The following ZNF804B variants were observed in gnomAD, a reference collection of about 807,000 sequenced individuals.
ZNF804B encodes zinc finger 804B.
Under a neutral mutation model 101.4 loss-of-function variants are expected in ZNF804B, and 80 were observed. That is an observed-to-expected ratio of 0.79 (90% confidence interval 0.66 to 0.95). The LOEUF is 0.95. Among genes scored for constraint, ZNF804B ranks in the 40% least tolerant of loss-of-function variants. The probability of loss-of-function intolerance (pLI) is 0.00; values close to 1 mark genes in which losing one functional copy is unlikely to be tolerated. For synonymous variants in ZNF804B, 622 were observed against 558.8 expected (o/e 1.11, Z -1.59); for missense variants, 1,673 against 1,561.9 (o/e 1.07, Z -1.20).
chr7:89,030,897 T>G (rs932527431), intron 1 of ZNF804B, among the ~76,000 whole-genome samples: 6 of 152,106 alleles, frequency 3.9e-5, no homozygotes, highest in Non-Finnish European at 8.8e-5. Flanking sequence ...TTATTCAGTT[T>G]CTTGGTGATG....
intron 1 of ZNF804B, among the ~76,000 whole-genome samples, chr7:88,953,539 A>C (rs1175386567): frequency 6.6e-6 from 1 of 151,740 alleles, no homozygotes; most frequent in African/African-American, 2.4e-5. Context: ...TGATATTAGA[A>C]TTGAGGTTGT....
chr7:89,326,578 G>A (rs1488351318), intron 2 of ZNF804B, among the ~76,000 whole-genome samples: 2 of 152,100 alleles, frequency 1.3e-5, no homozygotes, highest in Admixed American at 6.6e-5. Flanking sequence ...TCAGGATTAA[G>A]CCCCAAACTT....
At chr7:89,161,857 C>T (rs1241063163) in intron 1 of ZNF804B, among the ~76,000 whole-genome samples, 3 of 151,926 alleles carry the variant, frequency 2.0e-5, no homozygotes, top group Admixed American at 2.0e-4. Flanking sequence ...CTAGAAAATG[C>T]AATATCATAG....
chr7:89,014,944 T>C lies in ZNF804B; in HGVS notation c.109-203211T>C, dbSNP rs138861134. ...TTTCCCAGACCGATGTTCTGAAGCA[T>C]TTCCCCTATGTTTTCCCCTAGTAGT... On this transcript the variant is annotated intron_variant, in intron 1 of 3. Transcript: ENST00000333190. Among the ~76,000 whole-genome samples, 1,187 of 152,322 alleles carry C rather than the reference T, an allele frequency of 7.8e-3. 20 individuals are homozygous for C. Among genetic ancestry groups the C allele is most frequent in the African/African-American group, 0.027 (1,131 of 41,576 alleles).
intron 2 of ZNF804B, among the ~76,000 whole-genome samples, chr7:89,295,052 G>A (rs998924851): frequency 6.6e-6 from 1 of 152,058 alleles, no homozygotes; most frequent in Non-Finnish European, 1.5e-5. Context: ...TTTTGTATTT[G>A]AGAATTCCTG....
intron 1 of ZNF804B, among the ~76,000 whole-genome samples, chr7:89,099,917 G>C (rs1231771635): frequency 6.6e-6 from 1 of 152,146 alleles, no homozygotes; most frequent in Non-Finnish European, 1.5e-5. Context: ...TACCATCCTT[G>C]ATCTTGGAGA....
chr7:89,062,495 GTTATTT>G (rs752861526), intron 1 of ZNF804B, among the ~76,000 whole-genome samples: 1 of 151,960 alleles, frequency 6.6e-6, no homozygotes, highest in Non-Finnish European at 1.5e-5. Context: ...ATATTATTTT[GTTATTT>G]TTATTTATAT....
chr7:89,120,693 A>C (rs988904687), intron 1 of ZNF804B, among the ~76,000 whole-genome samples: 1 of 151,778 alleles, frequency 6.6e-6, no homozygotes, highest in Non-Finnish European at 1.5e-5. Context: ...CCAAAAATCT[A>C]CTTTTAGTCG....
chr7:89,166,312 T>C (rs893700800), intron 1 of ZNF804B, among the ~76,000 whole-genome samples: 5 of 152,202 alleles, frequency 3.3e-5, no homozygotes, highest in African/African-American at 1.2e-4. Context: ...AATCCAGGTA[T>C]AATTTTAAAA....
intron 1 of ZNF804B, among the ~76,000 whole-genome samples, chr7:88,784,119 G>A (rs1790266591): frequency 1.3e-5 from 2 of 152,122 alleles, no homozygotes; most frequent in Non-Finnish European, 2.9e-5. Context: ...AAAAAAAGAA[G>A]TGACCTGGAT....
chr7:88,827,062 C>T (rs1001724281), intron 1 of ZNF804B, among the ~76,000 whole-genome samples: 1 of 151,948 alleles, frequency 6.6e-6, no homozygotes, highest in Non-Finnish European at 1.5e-5. Flanking sequence ...TATTTTGTGA[C>T]CATTATGTCT....
At chr7:89,147,044 C>T (rs1790801513) in intron 1 of ZNF804B, among the ~76,000 whole-genome samples, 1 of 148,724 alleles carries the variant, frequency 6.7e-6, no homozygotes, top group African/African-American at 2.5e-5. Flanking sequence ...ACAAAAAAAC[C>T]CCAGAGTGAG....
intron 1 of ZNF804B, among the ~76,000 whole-genome samples, chr7:88,881,717 G>A (rs991409503): frequency 1.6e-4 from 25 of 151,936 alleles, no homozygotes; most frequent in African/African-American, 5.3e-4. Context: ...TTCTAAAAAC[G>A]TCATAATAGA....
At chr7:89,245,718 G>C (rs1789432650) in intron 2 of ZNF804B, among the ~76,000 whole-genome samples, 1 of 152,140 alleles carries the variant, frequency 6.6e-6, no homozygotes, top group Non-Finnish European at 1.5e-5. Context: ...TGTGAGGTTT[G>C]ATTCAAGAAA....
At chr7:89,226,503 T>C (rs1409342916) in intron 2 of ZNF804B, among the ~76,000 whole-genome samples, 2 of 148,120 alleles carry the variant, frequency 1.4e-5, no homozygotes, top group African/African-American at 5.0e-5. Flanking sequence ...AATCAAGAAA[T>C]ACAGAAGTGT....
intron 1 of ZNF804B, among the ~76,000 whole-genome samples, chr7:88,806,372 G>A (rs1790693462): frequency 6.6e-6 from 1 of 152,118 alleles, no homozygotes; most frequent in African/African-American, 2.4e-5. Flanking sequence ...ATTAAGGATA[G>A]TTTGGATTTA....
At chr7:89,046,650 G>T (rs1789112001) in intron 1 of ZNF804B, among the ~76,000 whole-genome samples, 1 of 152,084 alleles carries the variant, frequency 6.6e-6, no homozygotes, top group South Asian at 2.1e-4. Flanking sequence ...CAGGGATTTA[G>T]AAGATATGTT....
intron 1 of ZNF804B, among the ~76,000 whole-genome samples, chr7:88,763,953 TTAA>T (rs561865414): frequency 3.3e-5 from 5 of 152,142 alleles, no homozygotes; most frequent in Non-Finnish European, 7.4e-5. Context: ...GCTGCTCAAT[TTAA>T]TAATTAAATT....
At chr7:89,061,153 A>T (rs575481656) in intron 1 of ZNF804B, among the ~76,000 whole-genome samples, 1 of 152,208 alleles carries the variant, frequency 6.6e-6, no homozygotes, top group Non-Finnish European at 1.5e-5. Context: ...ATGCTTGCAA[A>T]ATATGTATGT....
Sources: gnomAD v4.1 joint callset for allele counts (sites outside exome capture counted in the v4.1 genomes callset) on GRCh38, gnomAD v4.1.1 for gene constraint, MANE v1.5 for transcripts, NCBI Gene and HGNC (gene_info 2026-07-23, HGNC 2026-07-21) for gene names.